FREM1: variants seen among roughly 807,000 people sequenced by gnomAD.
FREM1 encodes the protein FRAS1-related extracellular matrix protein 1.
FREM1 carries 220 observed loss-of-function variants against 210.1 expected under a neutral mutation model. The ratio of observed to expected loss-of-function variants is 1.05; its 90% CI spans 0.94 to 1.17. The LOEUF is 1.17. Ranked by LOEUF, FREM1 falls within the 50% of genes most tolerant of loss-of-function variation. The probability of loss-of-function intolerance (pLI) is 0.00; values close to 1 mark genes in which losing one functional copy is unlikely to be tolerated. For synonymous variants in FREM1, 1,189 were observed against 980.2 expected (o/e 1.21, Z -3.98); for missense variants, 3,454 against 2,675.5 (o/e 1.29, Z -6.42).
rs1211159179 is a variant in FREM1 at position 14,770,662 on chromosome 9, T to C, written c.5002A>G (p.Ile1668Val). Residue 1668 changes from isoleucine to valine, a missense_variant, in exon 26 of 37, where the codon ATC becomes GTC. Ile to Val is a conservative substitution (Grantham distance 29, BLOSUM62 3). Coordinates refer to ENST00000380880, the MANE Select transcript of FREM1 (RefSeq NM_001379081.2). ...ASDPDTEDDQ[I>V]IFKILQGPKH... ...GGGCCTTGTAGAATTTTAAAGATGA[T>C]CTGATCGTCCTCAGTGTCAGGGTCT... 1.2e-6 allele frequency: 2 copies of C among 1,613,586 alleles called. No individual in the cohort carries two copies. Among genetic ancestry groups the C allele is most frequent in the Non-Finnish European group, 1.7e-6 (2 of 1,179,616 alleles).
intron 1 of FREM1, among the ~76,000 whole-genome samples, chr9:14,872,703 A>G (rs1345382388): frequency 2.0e-5 from 3 of 150,048 alleles, no homozygotes; most frequent in Admixed American, 6.7e-5. Context: ...TTCCAACACT[A>G]TGTTGAATAG....
chr9:14,844,690 A>G (rs1826278543), intron 8 of FREM1, among the ~76,000 whole-genome samples: 1 of 152,204 alleles, frequency 6.6e-6, no homozygotes, highest in Admixed American at 6.5e-5. Context: ...GCATAGCAAT[A>G]TGGTCATTTA....
At chr9:14,803,322 C>CCCCTCCCCTA (rs1256204813) in intron 19 of FREM1, among the ~76,000 whole-genome samples, 8 of 125,198 alleles carry the variant, frequency 6.4e-5, no homozygotes, top group Admixed American at 1.7e-4. Context: ...CTTTTCCCCT[C>CCCCTCCCCTA]CCCTCCCCTA....
At chr9:14,813,188 G>C in intron 15 of FREM1, 124 bp from the exon 16 acceptor site, 2 of 1,085,940 alleles carry the variant, frequency 1.8e-6, no homozygotes, top group Non-Finnish European at 2.6e-6. Context: ...TGAAACAACA[G>C]CCGTGAAATT....
chr9:14,771,355 T>A (rs1847541426), intron 25 of FREM1, among the ~76,000 whole-genome samples: 1 of 152,164 alleles, frequency 6.6e-6, no homozygotes, highest in South Asian at 2.1e-4. Flanking sequence ...AAAATAGAGA[T>A]ACCTCAGTAA....
At chr9:14,875,352 T>G (rs1588528169) in intron 1 of FREM1, among the ~76,000 whole-genome samples, 1 of 152,342 alleles carries the variant, frequency 6.6e-6, no homozygotes, top group East Asian at 1.9e-4. Flanking sequence ...AGTCCCATAT[T>G]TCTTGGAGGC....
chr9:14,798,322 G>A (rs1256607251), intron 20 of FREM1, among the ~76,000 whole-genome samples: 2 of 152,158 alleles, frequency 1.3e-5, no homozygotes, highest in Non-Finnish European at 2.9e-5. Context: ...TAAAATTACA[G>A]CACAGGAGCC....
At chr9:14,825,586 A>T (rs1264881339) in intron 10 of FREM1, among the ~76,000 whole-genome samples, 6 of 126,410 alleles carry the variant, frequency 4.7e-5, no homozygotes, top group African/African-American at 1.5e-4. Context: ...AATTATAGTG[A>T]ATCCAGTCAT....
rs67204004 is a variant in FREM1 at position 14,828,638 on chromosome 9, C to CGGGG, written c.1882-3650_1882-3647dup. Among the ~76,000 whole-genome samples the CGGGG allele has an allele frequency of 5.5e-4, 41 of 74,866 alleles. 2 individuals carry two copies. Among genetic ancestry groups the CGGGG allele is most frequent in the African/African-American group, 2.4e-3 (40 of 16,768 alleles). The allele number at this position is 74,866 out of a possible 152,430, so 49.1% of individuals were successfully genotyped here. A position where few individuals can be genotyped will look rare whatever the true frequency, so the allele number is the denominator to read the frequency against. On this transcript the variant is annotated intron_variant, in intron 10 of 36. Coordinates refer to ENST00000380880, the MANE Select transcript of FREM1 (RefSeq NM_001379081.2). ...TATGGGAGAAGAACATAAATTGTGG[C>CGGGG]GGGGCGGGGGAGGTGCCGGGGTAGA...
chr9:14,812,552 T>C (rs1283431113), intron 16 of FREM1, among the ~76,000 whole-genome samples: 2 of 152,176 alleles, frequency 1.3e-5, no homozygotes, highest in Non-Finnish European at 2.9e-5. Context: ...ATAGGGTGAA[T>C]GGAAGGTCTG....
Position 14,798,865 on chromosome 9 carries a change from G to T in FREM1, c.3695-1223C>A, listed in dbSNP as rs563459559. Among the ~76,000 whole-genome samples, 29 of 152,058 alleles carry T rather than the reference G, an allele frequency of 1.9e-4. No individual in the cohort carries two copies. In the East Asian group the frequency reaches 3.9e-3, roughly 21 times the overall value. Reference sequence around the variant, plus strand: ...ATTTTTGTATTTTTAATAGAGTCTGGGTTTTGCCATGTTGGCCAGGCTGGT... The same window carrying T: ...ATTTTTGTATTTTTAATAGAGTCTGTGTTTTGCCATGTTGGCCAGGCTGGT... On this transcript the variant is annotated intron_variant, in intron 20 of 36. Coordinates refer to ENST00000380880, the MANE Select transcript of FREM1 (RefSeq NM_001379081.2).
chr9:14,737,443 A>C lies in FREM1; in HGVS notation c.6493T>G (p.Cys2165Gly). The C allele has an allele frequency of 2.5e-6, 4 of 1,613,886 alleles. No homozygotes were observed. Among genetic ancestry groups the C allele is most frequent in the Non-Finnish European group, 3.4e-6 (4 of 1,179,846 alleles). The change falls in exon 37 of 37, where the codon TGT becomes GGT. Residue 2165 changes from cysteine to glycine, a missense_variant. Cys to Gly is a radical substitution (Grantham distance 159, BLOSUM62 -3). Transcript: ENST00000380880. The part of the protein sequence containing the change: ...QRQGKWQTKD[C>G]RRAKPHNYVC... ...TAATTATGAGGTTTGGCTCTCCTAC[A>C]GTCTTTTGTTTGCCATTTCCCTTGT...
At chr9:14,755,574 C>T (rs902372864) in intron 29 of FREM1, among the ~76,000 whole-genome samples, 3 of 152,186 alleles carry the variant, frequency 2.0e-5, no homozygotes, top group Non-Finnish European at 2.9e-5. Flanking sequence ...AGCTACCTGT[C>T]CCATCCACAG....
At chr9:14,791,760 G>C (rs539289687) in intron 22 of FREM1, among the ~76,000 whole-genome samples, 4 of 152,316 alleles carry the variant, frequency 2.6e-5, no homozygotes, top group African/African-American at 9.6e-5. Context: ...AGGAAAGAAA[G>C]AAAGATGCTC....
At chr9:14,770,563 G>T in intron 26 of FREM1, 42 bp downstream of exon 26, 1 of 1,460,412 alleles carries the variant, frequency 6.8e-7, no homozygotes, top group East Asian at 2.3e-5. Context: ...CAGCCACTGG[G>T]TATTTTAAAA....
chr9:14,764,136 T>C (rs1176006455), intron 27 of FREM1, among the ~76,000 whole-genome samples: 1 of 152,196 alleles, frequency 6.6e-6, no homozygotes, highest in African/African-American at 2.4e-5. Flanking sequence ...TCTGATGACT[T>C]TACGAGGGGT....
At chr9:14,875,330 G>C (rs1040152259) in intron 1 of FREM1, among the ~76,000 whole-genome samples, 4 of 152,126 alleles carry the variant, frequency 2.6e-5, no homozygotes, top group African/African-American at 4.8e-5. Flanking sequence ...CGTAGATTTG[G>C]TCTTTTCACA....
At position 14,789,089 on chromosome 9, in the gene FREM1, G is replaced by C; in HGVS notation, c.4007C>G (p.Ser1336Cys). 6.3e-7 allele frequency: 1 copy of C among 1,598,494 alleles called. No individual in the cohort carries two copies. Among genetic ancestry groups the C allele is most frequent in the South Asian group, 1.1e-5 (1 of 88,186 alleles). ...LKIGRDWVPL[S>C]PGMKCTQEEV... ...CTCCTGAGTGCATTTCATGCCAGGG[G>C]AGAGAGGAACCCAGTCCCTCCCTAT... The change falls in exon 23 of 37, where the codon TCC (serine) becomes TGC (cysteine). Residue 1336 changes from serine (S) to cysteine (C), a missense_variant. Transcript: ENST00000380880.
rs147835291 is a variant in FREM1, at chr9:14,854,144, A to C, written c.829-2537T>G. 1.2e-3 allele frequency among the ~76,000 whole-genome samples: 178 copies of C among 152,316 alleles called. 3 individuals are homozygous for C. The South Asian group carries it at 0.019, about 17-fold the overall frequency. ...TACATATTACAAATATAGGCTTAAG[A>C]ATATTTTTAAGTTTAGAATTAAGTC... On this transcript the variant is annotated intron_variant, in intron 5 of 36. Coordinates refer to ENST00000380880, the MANE Select transcript of FREM1 (RefSeq NM_001379081.2).
Sources: allele counts gnomAD v4.1 joint callset (sites outside exome capture counted in the v4.1 genomes callset), GRCh38; gene constraint gnomAD v4.1.1; transcripts MANE v1.5; gene names NCBI Gene and HGNC (gene_info 2026-07-23, HGNC 2026-07-21).